Variants in ADAMTS2 observed in about 807,000 individuals in gnomAD.
ADAMTS2 encodes A disintegrin and metalloproteinase with thrombospondin motifs 2.
A neutral mutation model predicts 123.0 loss-of-function variants in ADAMTS2; 50 were observed. The ratio of observed to expected loss-of-function variants is 0.41; its 90% CI spans 0.32 to 0.51. The LOEUF is 0.51. Among genes scored for constraint, ADAMTS2 ranks in the 20% least tolerant of loss-of-function variants. The pLI, the probability that ADAMTS2 is intolerant of heterozygous loss-of-function variation, is 0.35. For synonymous variants in ADAMTS2, 678 were observed against 695.4 expected, an observed-to-expected ratio of 0.98 and a Z score of 0.39; for missense variants, 1,494 against 1,705.2, an observed-to-expected ratio of 0.88 and a Z score of 2.18.
chr5:179,129,169 G>C lies in ADAMTS2; in HGVS notation c.2457+763C>G, dbSNP rs931257771. On this transcript the variant is annotated intron_variant, in intron 16 of 21. Transcript: ENST00000251582. This position sits in a 1 kb window ranked among gnomAD's most constrained non-coding sequence, Gnocchi z 4.1. ...GCTGCTCACACACTGATGCAGGCAGGTCACCAAAGGCACGTCCAGGGGGCC... is the reference window on the plus strand; with the variant it reads ...GCTGCTCACACACTGATGCAGGCAGCTCACCAAAGGCACGTCCAGGGGGCC... Among the ~76,000 whole-genome samples, 2 of 152,148 alleles carry C rather than the reference G, an allele frequency of 1.3e-5. No individual in the cohort carries two copies. The highest frequency in any genetic ancestry group is 4.8e-5 in the African/African-American group (2 of 41,424).
At position 179,153,478 on chromosome 5, in the gene ADAMTS2, G is replaced by A; in HGVS notation, c.1515+13C>T. 6.2e-7 allele frequency: 1 copy of A among 1,606,758 alleles called. No individual in the cohort carries two copies. ...GACCTGGGAGGGTCCCGGCTGCAGG[G>A]CTGCACACTCACCGCCGTGCACATC... On this transcript the variant is annotated intron_variant, in intron 9 of 21. Coordinates refer to ENST00000251582, the MANE Select transcript of ADAMTS2 (RefSeq NM_014244.5).
chr5:179,344,156 G>A lies in ADAMTS2; in HGVS notation c.145C>T (p.Pro49Ser). Reference sequence around the variant, plus strand: ...ATGCGCTCCGCTCCGTGCCCCAGGGGCCCGCCTGCAACGGGAAGGGGCGTT... The same window carrying A: ...ATGCGCTCCGCTCCGTGCCCCAGGGACCCGCCTGCAACGGGAAGGGGCGTT... ...LAAAADPPGG[P>S]LGHGAERILA... Residue 49 changes from proline to serine, a missense_variant, in exon 2 of 22, where the codon CCC becomes TCC. Transcript: ENST00000251582. 2 of 1,589,620 alleles carry A rather than the reference G, an allele frequency of 1.3e-6. No individual in the cohort carries two copies. Among genetic ancestry groups the A allele is most frequent in the Non-Finnish European group, 1.7e-6 (2 of 1,170,700 alleles).
intron 3 of ADAMTS2, among the ~76,000 whole-genome samples, chr5:179,209,381 G>C (rs960649311): frequency 4.6e-5 from 7 of 152,192 alleles, no homozygotes; most frequent in Non-Finnish European, 1.0e-4. Context: ...GTGGAGGTGC[G>C]AGGCGGAGGG....
chr5:179,181,397 C>T lies in ADAMTS2; in HGVS notation c.892-242G>A, dbSNP rs1034068617. Reference sequence around the variant, plus strand: ...TTCCTGAGCAACCCCACCCACCAGCCCAGGGTTTCCTCACCTGGGGCCTGA... The same window carrying T: ...TTCCTGAGCAACCCCACCCACCAGCTCAGGGTTTCCTCACCTGGGGCCTGA... On this transcript the variant is annotated intron_variant, in intron 4 of 21. Transcript: ENST00000251582. This position sits in a 1 kb window ranked among gnomAD's most constrained non-coding sequence, Gnocchi z 4.1. Among the ~76,000 whole-genome samples the T allele has an allele frequency of 1.3e-5, 2 of 152,092 alleles. No homozygotes were observed. Among genetic ancestry groups the T allele is most frequent in the Non-Finnish European group, 2.9e-5 (2 of 68,012 alleles).
chr5:179,335,214 A>T (rs568365057), intron 2 of ADAMTS2, among the ~76,000 whole-genome samples: 1,859 of 135,792 alleles, frequency 0.014, 30 homozygotes, highest in African/African-American at 0.047. Context: ...CCATGTTTTT[A>T]AAAAAAAAAG....
chr5:179,153,715 T>C (rs1351805215), intron 8 of ADAMTS2, 92 bp from the exon 9 acceptor site: 11 of 1,497,656 alleles, frequency 7.3e-6, no homozygotes, highest in Non-Finnish European at 9.8e-6. Context: ...GGAGCTGCCA[T>C]GGCAGCCCTA....
At chr5:179,217,225 A>G (rs906535575) in intron 3 of ADAMTS2, among the ~76,000 whole-genome samples, 2 of 152,368 alleles carry the variant, frequency 1.3e-5, no homozygotes, top group African/African-American at 4.8e-5. Context: ...AGATGGATGG[A>G]TCTTAAAAAC....
Position 179,128,079 on chromosome 5 carries a change from T to C in ADAMTS2, c.2497A>G (p.Lys833Glu). ...VGDTRVSLTYKYMIHEDSLNV... is the reference protein window; with the variant it reads ...VGDTRVSLTYEYMIHEDSLNV... ...AGTGAGTCCTCATGGATCATGTATT[T>C]GTACGTCAGTGAGACCCGGGTGTCT... is the stretch of plus-strand genomic sequence containing the variant. The change falls in exon 17 of 22, where the codon AAA becomes GAA. Residue 833 changes from lysine to glutamate, a missense_variant. Transcript: ENST00000251582. The surrounding 1 kb of genome is among the most constrained non-coding windows in gnomAD (Gnocchi z 4.9). The C allele has an allele frequency of 6.2e-7, 1 of 1,613,994 alleles. No homozygotes were observed.
At chr5:179,252,488 AGTT>A (rs914254363) in intron 3 of ADAMTS2, among the ~76,000 whole-genome samples, 2 of 151,882 alleles carry the variant, frequency 1.3e-5, no homozygotes, top group Admixed American at 6.6e-5. Flanking sequence ...ATTATCATTG[AGTT>A]GTATTTTTGA....
intron 3 of ADAMTS2, among the ~76,000 whole-genome samples, chr5:179,213,941 G>C (rs1764917609): frequency 6.6e-6 from 1 of 152,200 alleles, no homozygotes; most frequent in Non-Finnish European, 1.5e-5. Flanking sequence ...TACAGCATTA[G>C]GTAGGGATAG....
intron 3 of ADAMTS2, among the ~76,000 whole-genome samples, chr5:179,230,549 T>G (rs557818752): frequency 6.6e-6 from 1 of 152,332 alleles, no homozygotes; most frequent in Admixed American, 6.5e-5. Context: ...TGGGGATACT[T>G]GGGTCCAGTT....
intron 3 of ADAMTS2, among the ~76,000 whole-genome samples, chr5:179,252,009 CTT>C (rs200457965): frequency 3.9e-4 from 53 of 135,660 alleles, no homozygotes; most frequent in Non-Finnish European, 4.6e-4. Flanking sequence ...TTTTTCTTTT[CTT>C]TTTTTTTTTT....
intron 3 of ADAMTS2, among the ~76,000 whole-genome samples, chr5:179,209,059 G>C (rs1225174912): frequency 2.0e-5 from 3 of 152,184 alleles, no homozygotes; most frequent in African/African-American, 4.8e-5. Flanking sequence ...TCCCTGTGAG[G>C]GTGGCCCAGG....
intron 10 of ADAMTS2, 104 bp from the exon 11 acceptor site, chr5:179,140,139 T>G: frequency 6.5e-7 from 1 of 1,543,324 alleles, no homozygotes. Context: ...CTGGCCCCAC[T>G]CTGGGGCACA....
chr5:179,153,428 C>T (rs976230771), intron 9 of ADAMTS2, 63 bp downstream of exon 9: 1 of 1,596,940 alleles, frequency 6.3e-7, no homozygotes, highest in Admixed American at 1.7e-5. Flanking sequence ...CGGGAGCTGC[C>T]CCTACACCAG....
At chr5:179,270,418 G>T (rs1041465483) in intron 3 of ADAMTS2, among the ~76,000 whole-genome samples, 3 of 152,194 alleles carry the variant, frequency 2.0e-5, no homozygotes, top group African/African-American at 7.2e-5. Context: ...TGGGGAGGCA[G>T]GAAGAAACTG....
chr5:179,332,214 G>A lies in ADAMTS2; in HGVS notation c.534+11553C>T, dbSNP rs1456590344. On this transcript the variant is annotated intron_variant, in intron 2 of 21. Transcript: ENST00000251582. This position sits in a 1 kb window ranked among gnomAD's most constrained non-coding sequence, Gnocchi z 4.2. ...ACACAACCCAGGAACAGCTGCATGGGAGGGATGGGCAGGGCAAGGTAACGG... is the reference window on the plus strand; with the variant it reads ...ACACAACCCAGGAACAGCTGCATGGAAGGGATGGGCAGGGCAAGGTAACGG... Among the ~76,000 whole-genome samples, 5 of 152,208 alleles carry A rather than the reference G, an allele frequency of 3.3e-5. No homozygotes were observed. Among genetic ancestry groups the A allele is most frequent in the African/African-American group, 1.2e-4 (5 of 41,444 alleles).
intron 3 of ADAMTS2, among the ~76,000 whole-genome samples, chr5:179,209,148 C>T (rs927639690): frequency 1.3e-5 from 2 of 152,344 alleles, no homozygotes; most frequent in Admixed American, 1.3e-4. Context: ...ACCAGGCCCT[C>T]ATCCCGGCAC....
In ADAMTS2 at chr5:179,175,219, T is replaced by C. The variant is rs1173576814; in HGVS notation, c.975+5853A>G. Among the ~76,000 whole-genome samples the C allele has an allele frequency of 1.3e-5, 2 of 151,884 alleles. No individual in the cohort carries two copies. The highest frequency in any genetic ancestry group is 2.9e-5 in the Non-Finnish European group (2 of 67,982). ...GTTGCTTTGGAGGAAGTCTCTTCCT[T>C]GCTTGGGTTCCGCAGCTGTCTCAGC... On this transcript the variant is annotated intron_variant, in intron 5 of 21. Coordinates refer to ENST00000251582, the MANE Select transcript of ADAMTS2 (RefSeq NM_014244.5). This position sits in a 1 kb window ranked among gnomAD's most constrained non-coding sequence, Gnocchi z 4.1.
Sources: allele counts gnomAD v4.1 joint callset (sites outside exome capture counted in the v4.1 genomes callset), GRCh38; gene constraint gnomAD v4.1.1; non-coding constraint Gnocchi (gnomAD v3.1); transcripts MANE v1.5; gene names NCBI Gene and HGNC (gene_info 2026-07-23, HGNC 2026-07-21).